HIPK3: variants seen among roughly 807,000 people sequenced by gnomAD.
HIPK3 encodes homeodomain interacting protein kinase 3, also known as homeodomain-interacting protein kinase 3.
Under a neutral mutation model 124.2 loss-of-function variants are expected in HIPK3, and 47 were observed. The observed-to-expected ratio is 0.38, with a 90% CI of 0.30 to 0.48. The LOEUF (loss-of-function observed/expected upper bound fraction) is 0.48, where lower values mean the gene tolerates loss of function less well. Ranked by LOEUF, HIPK3 falls within the 20% of genes least tolerant of loss-of-function variation. The pLI is 0.98. For synonymous variants in HIPK3, 482 were observed against 515.2 expected (o/e 0.94, Z 0.87); for missense variants, 1,286 against 1,454.3 (o/e 0.88, Z 1.88).
At chr11:33,268,196 T>A (rs541934868) in intron 1 of HIPK3, among the ~76,000 whole-genome samples, 1 of 152,210 alleles carries the variant, frequency 6.6e-6, no homozygotes, top group African/African-American at 2.4e-5. Context: ...GGGAGATGAG[T>A]GAAACTCCAT....
chr11:33,315,020 G>A (rs963637452), intron 2 of HIPK3, among the ~76,000 whole-genome samples: 3 of 152,090 alleles, frequency 2.0e-5, no homozygotes, highest in Non-Finnish European at 4.4e-5. Flanking sequence ...CAAATATGTA[G>A]CACTAATAAT....
intron 2 of HIPK3, among the ~76,000 whole-genome samples, chr11:33,311,727 G>A (rs920301139): frequency 5.3e-5 from 8 of 151,936 alleles, no homozygotes; most frequent in Middle Eastern, 6.8e-3. Context: ...TGAAGTCTTG[G>A]CCATATGCAG....
intron 3 of HIPK3, among the ~76,000 whole-genome samples, chr11:33,330,453 T>C (rs567745713): frequency 2.7e-4 from 41 of 152,230 alleles, no homozygotes; most frequent in African/African-American, 9.1e-4. Context: ...CTCAGCCTCC[T>C]GAGTAGCTGG....
At chr11:33,305,778 G>A (rs1852139008) in intron 2 of HIPK3, among the ~76,000 whole-genome samples, 1 of 152,058 alleles carries the variant, frequency 6.6e-6, no homozygotes, top group Admixed American at 6.5e-5. Flanking sequence ...TCATCTGTTT[G>A]GACCTTTATC....
In HIPK3 at chr11:33,327,829, C is replaced by T. The variant is rs558771940; in HGVS notation, c.1098-681C>T. Among the ~76,000 whole-genome samples the T allele has an allele frequency of 3.3e-5, 5 of 152,250 alleles. No individual in the cohort carries two copies. In the South Asian group the frequency reaches 6.2e-4, roughly 19 times the overall value. On this transcript the variant is annotated intron_variant, in intron 2 of 16. Transcript: ENST00000303296. ...GAGTCTGTCTTAGAACATGAATCTT[C>T]TCAAGGGAAATCCATATGAAGGTGC...
intron 2 of HIPK3, among the ~76,000 whole-genome samples, chr11:33,296,780 T>A (rs957218075): frequency 3.9e-5 from 6 of 152,192 alleles, no homozygotes; most frequent in African/African-American, 1.2e-4. Context: ...TCTCTCCTTC[T>A]CCTCTGGCCT....
rs567030889 is a variant in HIPK3, at chr11:33,352,261, G to C, written c.3167G>C (p.Ser1056Thr). ...SAFQQQHLNF[S>T]QVQHFGSGHQ... ...TTCCAGCAGCAGCATTTGAACTTCA[G>C]TCAGGTATGTTCATTTGTGGATATG... Residue 1056 changes from serine to threonine, a missense_variant, in exon 16 of 17, where the codon AGT (serine) becomes ACT (threonine). Ser to Thr is a moderately conservative substitution (Grantham distance 58). Transcript: ENST00000303296. 6.2e-7 allele frequency: 1 copy of C among 1,613,948 alleles called. No homozygotes were observed. Among genetic ancestry groups the C allele is most frequent in the Admixed American group, 1.7e-5 (1 of 59,996 alleles).
chr11:33,335,903 T>G (rs1853130632), intron 3 of HIPK3: 1 of 152,158 alleles, frequency 6.6e-6, no homozygotes, highest in African/African-American at 2.4e-5. Flanking sequence ...CCCCCGTGTT[T>G]CCCACTCATT....
chr11:33,278,306 G>C (rs1851323414), intron 1 of HIPK3, among the ~76,000 whole-genome samples: 1 of 152,144 alleles, frequency 6.6e-6, no homozygotes, highest in African/African-American at 2.4e-5. Context: ...ATATTGGCAG[G>C]CTGTGGTGGG....
intron 1 of HIPK3, among the ~76,000 whole-genome samples, chr11:33,277,591 A>AT (rs1393697788): frequency 2.0e-5 from 3 of 152,206 alleles, no homozygotes; most frequent in Non-Finnish European, 4.4e-5. Context: ...TTTTCTGACA[A>AT]TTAGATTATT....
intron 1 of HIPK3, chr11:33,258,590 C>T (rs1288551582): frequency 2.0e-6 from 2 of 985,286 alleles, no homozygotes; most frequent in African/African-American, 3.5e-5. Context: ...GTTACGGTGG[C>T]TGCCGCCCGC....
intron 2 of HIPK3, among the ~76,000 whole-genome samples, chr11:33,301,821 G>GACACACACACACAC (rs143389257): frequency 0.11 from 14,067 of 127,330 alleles, 1,051 homozygotes; most frequent in African/African-American, 0.12. Flanking sequence ...AACCCTGTCT[G>GACACACACACACAC]ACACACACAC....
At chr11:33,339,682 C>G (rs531571577) in intron 6 of HIPK3, 148 bp downstream of exon 6, 58 of 553,554 alleles carry the variant, frequency 1.0e-4, no homozygotes, top group African/African-American at 9.8e-4. Flanking sequence ...TCACATACAC[C>G]AGTAAGTGTC....
chr11:33,273,965 C>T (rs1851206034), intron 1 of HIPK3, among the ~76,000 whole-genome samples: 2 of 152,124 alleles, frequency 1.3e-5, no homozygotes, highest in African/African-American at 2.4e-5. Flanking sequence ...AATTTTCATT[C>T]TTGTGTGATT....
chr11:33,293,353 C>G (rs1002574496), intron 2 of HIPK3, among the ~76,000 whole-genome samples: 4 of 152,018 alleles, frequency 2.6e-5, no homozygotes, highest in Non-Finnish European at 5.9e-5. Flanking sequence ...TATTTCTCAC[C>G]TGACACAATT....
Position 33,355,830 on chromosome 11 carries a change from G to A in HIPK3, c.*2262G>A, listed in dbSNP as rs996875947. 3.3e-5 allele frequency: 5 copies of A among 151,536 alleles called. No homozygotes were observed. Among genetic ancestry groups the A allele is most frequent in the African/African-American group, 1.2e-4 (5 of 41,340 alleles). The allele number at this position is 151,536 out of a possible 1,614,324, so 9.4% of individuals were successfully genotyped here. Reference sequence around the variant, plus strand: ...TAATTCTATGCATTTTATACAAATAGAAATATATATATATAAAAAATTAAA... The same window carrying A: ...TAATTCTATGCATTTTATACAAATAAAAATATATATATATAAAAAATTAAA... On this transcript the variant is annotated 3_prime_UTR_variant, in exon 17 of 17. Coordinates refer to ENST00000303296, the MANE Select transcript of HIPK3 (RefSeq NM_005734.5).
chr11:33,292,881 G>A (rs1321947477), intron 2 of HIPK3, among the ~76,000 whole-genome samples: 3 of 152,014 alleles, frequency 2.0e-5, no homozygotes, highest in Non-Finnish European at 4.4e-5. Flanking sequence ...GACTACAGGC[G>A]CCCGCCACCA....
intron 4 of HIPK3, among the ~76,000 whole-genome samples, chr11:33,338,308 A>C (rs561557152): frequency 1.3e-5 from 2 of 152,086 alleles, no homozygotes; most frequent in Non-Finnish European, 2.9e-5. Context: ...ATCTTGGTTC[A>C]CTGCAACCTC....
chr11:33,325,200 T>G (rs1228468350), intron 2 of HIPK3, among the ~76,000 whole-genome samples: 2 of 152,202 alleles, frequency 1.3e-5, no homozygotes, highest in Non-Finnish European at 2.9e-5. Flanking sequence ...TTTGTTGCTC[T>G]TTGTCTGACA....
Sources: allele counts gnomAD v4.1 joint callset (sites outside exome capture counted in the v4.1 genomes callset), GRCh38; gene constraint gnomAD v4.1.1; transcripts MANE v1.5; gene names NCBI Gene and HGNC (gene_info 2026-07-23, HGNC 2026-07-21).